BCL2: variants seen among roughly 807,000 people sequenced by gnomAD.
The protein encoded by BCL2 is BCL2 apoptosis regulator.
Under a neutral mutation model 14.2 loss-of-function variants are expected in BCL2, and 1 was observed. The ratio of observed to expected loss-of-function variants is 0.07; its 90% confidence interval spans 0.02 to 0.33. The LOEUF is 0.33. Among genes scored for constraint, BCL2 ranks in the 10% least tolerant of loss-of-function variants. BCL2 has a pLI of 0.99. For missense variants in BCL2, 247 were observed against 305.9 expected (o/e 0.81, Z 1.44); for synonymous variants, 151 against 137.2 (o/e 1.10, Z -0.70).
At chr18:63,211,257 T>A (rs557091664) in intron 2 of BCL2, among the ~76,000 whole-genome samples, 27 of 151,852 alleles carry the variant, frequency 1.8e-4, no homozygotes, top group Admixed American at 4.6e-4. Context: ...GGGATTTCAC[T>A]ATGTTGGCCA....
At chr18:63,255,449 C>T (rs1269513186) in intron 2 of BCL2, among the ~76,000 whole-genome samples, 1 of 152,212 alleles carries the variant, frequency 6.6e-6, no homozygotes, top group African/African-American at 2.4e-5. Context: ...ACTGTCTACA[C>T]TTCTAATTGG....
intron 2 of BCL2, among the ~76,000 whole-genome samples, chr18:63,219,451 C>CT (rs11289698): frequency 0.041 from 4,456 of 109,734 alleles, 156 homozygotes; most frequent in Non-Finnish European, 0.049. Context: ...CACAGCAGAA[C>CT]TTTTTTTTTT....
At chr18:63,281,712 GAAA>G (rs1912318421) in intron 2 of BCL2, among the ~76,000 whole-genome samples, 1 of 142,192 alleles carries the variant, frequency 7.0e-6, no homozygotes, top group Non-Finnish European at 1.6e-5. Context: ...AAGAAAGAAA[GAAA>G]GAAAGAAAGA....
In BCL2 at chr18:63,124,144, C is replaced by T. The variant is rs1913848160; in HGVS notation, c.*4481G>A. On this transcript the variant is annotated 3_prime_UTR_variant, in exon 3 of 3. Coordinates refer to ENST00000333681, the MANE Select transcript of BCL2 (RefSeq NM_000633.3). Reference sequence around the variant, plus strand: ...GTCCAAGGTCATGGTTGTCCAAAGACATGGAACAGAATGATTCACTGGGTA... The same window carrying T: ...GTCCAAGGTCATGGTTGTCCAAAGATATGGAACAGAATGATTCACTGGGTA... The T allele has an allele frequency of 4.5e-6, 1 of 222,108 alleles. No homozygotes were observed. Among genetic ancestry groups the T allele is most frequent in the Admixed American group, 5.8e-5 (1 of 17,364 alleles). The allele number at this position is 222,108 out of a possible 1,614,324, so 13.8% of individuals were successfully genotyped here.
At chr18:63,150,310 C>T (rs568744916) in intron 2 of BCL2, among the ~76,000 whole-genome samples, 2 of 152,370 alleles carry the variant, frequency 1.3e-5, no homozygotes, top group South Asian at 4.1e-4. Flanking sequence ...GCTAAGGTTT[C>T]TCTCTTCTTC....
At chr18:63,170,406 G>A (rs1006673258) in intron 2 of BCL2, among the ~76,000 whole-genome samples, 1 of 152,130 alleles carries the variant, frequency 6.6e-6, no homozygotes, top group Non-Finnish European at 1.5e-5. Flanking sequence ...TTAGCAACTC[G>A]TAATATGGAC....
intron 2 of BCL2, among the ~76,000 whole-genome samples, chr18:63,308,210 C>T (rs959798837): frequency 3.9e-5 from 6 of 152,196 alleles, no homozygotes; most frequent in African/African-American, 1.4e-4. Context: ...GTTCTGTCGC[C>T]TCTGGGAATG....
intron 2 of BCL2, among the ~76,000 whole-genome samples, chr18:63,234,492 G>A (rs1356612558): frequency 8.6e-5 from 4 of 46,646 alleles, no homozygotes; most frequent in South Asian, 6.8e-4. Flanking sequence ...GTCTATCACC[G>A]ATCATTTCCC....
intron 2 of BCL2, among the ~76,000 whole-genome samples, chr18:63,193,988 T>A (rs960359385): frequency 4.6e-5 from 7 of 152,222 alleles, no homozygotes; most frequent in African/African-American, 1.7e-4. Flanking sequence ...CAACACAGCA[T>A]ATGACATAGT....
intron 2 of BCL2, among the ~76,000 whole-genome samples, chr18:63,261,980 A>G (rs1568250818): frequency 6.6e-6 from 1 of 152,006 alleles, no homozygotes; most frequent in Non-Finnish European, 1.5e-5. Flanking sequence ...ATGTTTCCCC[A>G]TGTTGGCCAG....
rs1568222697 is a variant in BCL2 at position 63,169,371 on chromosome 18, C to CTTTCTTTCTT, written c.586-40622_586-40613dup. On this transcript the variant is annotated intron_variant, in intron 2 of 2. Transcript: ENST00000333681. ...TTTCTTTCTTTCTTTCTTTCTTTCTCTTTCTTTCTTTCTTTCTTTTTCTTT... is the reference window on the plus strand; with the variant it reads ...TTTCTTTCTTTCTTTCTTTCTTTCTCTTTCTTTCTTTTTCTTTCTTTCTTTCTTTTTCTTT... Among the ~76,000 whole-genome samples the CTTTCTTTCTT allele has an allele frequency of 2.8e-4, 10 of 35,920 alleles. 1 individual carries two copies. Among genetic ancestry groups the CTTTCTTTCTT allele is most frequent in the African/African-American group, 8.9e-4 (10 of 11,272 alleles). The allele number at this position is 35,920 out of a possible 152,430, so 23.6% of individuals were successfully genotyped here.
intron 2 of BCL2, among the ~76,000 whole-genome samples, chr18:63,208,363 G>A (rs920196572): frequency 8.6e-5 from 10 of 116,844 alleles, no homozygotes; most frequent in African/African-American, 2.6e-4. Context: ...CCGGCTCCCC[G>A]ATGCTGGTGA....
At chr18:63,142,621 AG>A (rs1914396373) in intron 2 of BCL2, among the ~76,000 whole-genome samples, 1 of 152,176 alleles carries the variant, frequency 6.6e-6, no homozygotes, top group African/African-American at 2.4e-5. Flanking sequence ...TGACCGTCAA[AG>A]TGACTGCGAT....
chr18:63,266,926 G>A (rs1027876965), intron 2 of BCL2, among the ~76,000 whole-genome samples: 7 of 152,152 alleles, frequency 4.6e-5, no homozygotes, highest in African/African-American at 1.4e-4. Context: ...AAGTCTACTC[G>A]GTTGGTCAAG....
At chr18:63,158,549 C>T (rs760198412) in intron 2 of BCL2, among the ~76,000 whole-genome samples, 8 of 152,106 alleles carry the variant, frequency 5.3e-5, no homozygotes, top group Non-Finnish European at 1.2e-4. Flanking sequence ...AGGCCCCCCA[C>T]GAAGCTGTGC....
rs139285879 is a variant in BCL2 at position 63,293,105 on chromosome 18, C to T, written c.585+24977G>A. On this transcript the variant is annotated intron_variant, in intron 2 of 2. Coordinates refer to ENST00000333681, the MANE Select transcript of BCL2 (RefSeq NM_000633.3). ...CCTCACCCCTGGCTGGACTCAGCCC[C>T]GGGACAACACTCCCACCCCGCAGAG... is the stretch of plus-strand genomic sequence containing the variant. 3.5e-4 allele frequency among the ~76,000 whole-genome samples: 54 copies of T among 152,156 alleles called. No individual in the cohort carries two copies. In the East Asian group the frequency reaches 9.5e-3, roughly 27 times the overall value.
intron 2 of BCL2, chr18:63,313,676 AG>A (rs1405715617): frequency 5.3e-5 from 8 of 152,198 alleles, no homozygotes; most frequent in African/African-American, 9.7e-5. Context: ...AAGGGTGCGG[AG>A]GTATGTTGGG....
At chr18:63,247,151 C>G (rs1281963529) in intron 2 of BCL2, among the ~76,000 whole-genome samples, 4 of 151,686 alleles carry the variant, frequency 2.6e-5, no homozygotes, top group Admixed American at 2.6e-4. Context: ...AACATATACT[C>G]AAGTACACAT....
chr18:63,259,531 A>G (rs548395251), intron 2 of BCL2, among the ~76,000 whole-genome samples: 1 of 152,378 alleles, frequency 6.6e-6, no homozygotes, highest in African/African-American at 2.4e-5. Flanking sequence ...GCAGCATTTT[A>G]TCAGCAGCAG....
Sources: gnomAD v4.1 joint callset for allele counts (sites outside exome capture counted in the v4.1 genomes callset) on GRCh38, gnomAD v4.1.1 for gene constraint, MANE v1.5 for transcripts, NCBI Gene and HGNC (gene_info 2026-07-23, HGNC 2026-07-21) for gene names.